Variants in NEDD9 observed in about 807,000 individuals in gnomAD.
The protein encoded by NEDD9 is neural precursor cell expressed, developmentally down-regulated 9, also known as enhancer of filamentation 1.
In NEDD9, 26 loss-of-function variants were observed where a neutral mutation model predicts 76.6. The observed-to-expected ratio is 0.34, with a 90% CI of 0.25 to 0.47. The LOEUF (loss-of-function observed/expected upper bound fraction) is 0.47. Ranked by LOEUF, NEDD9 falls within the 20% of genes least tolerant of loss-of-function variation. The pLI, the probability that NEDD9 is intolerant of heterozygous loss-of-function variation, is 1.00. For missense variants in NEDD9, 937 were observed against 1,058.5 expected, an observed-to-expected ratio of 0.89 and a Z score of 1.59; for synonymous variants, 392 against 414.2, an observed-to-expected ratio of 0.95 and a Z score of 0.65.
upstream of NEDD9, chr6:11,232,790 A>G (rs1050167488): frequency 1.1e-5 from 12 of 1,128,474 alleles, no homozygotes; most frequent in East Asian, 8.8e-5. Context: ...AAAAACTGAC[A>G]AAGAACTTGT....
intron 3 of NEDD9, among the ~76,000 whole-genome samples, chr6:11,244,279 G>A (rs1282393533): frequency 2.0e-5 from 3 of 150,952 alleles, no homozygotes; most frequent in Admixed American, 6.6e-5. Context: ...ACACACACGT[G>A]TGTGCACGCA....
chr6:11,366,384 CAGAG>C (rs538981875), intron 1 of NEDD9, among the ~76,000 whole-genome samples: 4 of 130,366 alleles, frequency 3.1e-5, no homozygotes, highest in South Asian at 2.5e-4. Flanking sequence ...GGGAGCAAGA[CAGAG>C]AGAGAGAGAA....
intron 3 of NEDD9, among the ~76,000 whole-genome samples, chr6:11,273,985 A>C (rs1760366497): frequency 6.6e-6 from 1 of 152,140 alleles, no homozygotes; most frequent in African/African-American, 2.4e-5. Context: ...CTTTCTAATG[A>C]AAGAATTCAG....
chr6:11,190,738 C>T lies in NEDD9; in HGVS notation c.1131G>A (p.Arg377=). Residue 377 remains arginine (R), a synonymous_variant, in exon 5 of 7, where the codon CGG becomes CGA. Transcript: ENST00000379446. The surrounding 1 kb of genome is among the most constrained non-coding windows in gnomAD (Gnocchi z 5.8). ...RLSFSSTGST[R]SNMSTSSTSS... ...AGGTGGAAGACGTGGACATGTTACT[C>T]CGGGTGCTGCCTGTACTGGAGAAAG... The T allele has an allele frequency of 6.2e-7, 1 of 1,614,156 alleles. No homozygotes were observed. The highest frequency in any genetic ancestry group is 8.5e-7 in the Non-Finnish European group (1 of 1,180,034).
upstream of NEDD9, chr6:11,233,179 TC>T (rs1276208323): frequency 1.9e-6 from 1 of 514,236 alleles, no homozygotes; most frequent in African/African-American, 1.9e-5. Flanking sequence ...TTCCCCCTCC[TC>T]CCGCCTACTT....
intron 1 of NEDD9, among the ~76,000 whole-genome samples, chr6:11,347,016 A>G (rs1234468063): frequency 2.6e-5 from 4 of 151,960 alleles, no homozygotes; most frequent in African/African-American, 7.3e-5. Context: ...AGAGGCCCCA[A>G]AGCACAACTC....
intron 1 of NEDD9, among the ~76,000 whole-genome samples, chr6:11,223,514 C>G (rs1459853582): frequency 2.0e-5 from 3 of 151,692 alleles, no homozygotes; most frequent in Non-Finnish European, 4.4e-5. Flanking sequence ...AACAAAAAAC[C>G]CAGAAATGAT....
At chr6:11,268,724 A>G (rs1056986061) in intron 3 of NEDD9, among the ~76,000 whole-genome samples, 3 of 139,940 alleles carry the variant, frequency 2.1e-5, no homozygotes, top group Non-Finnish European at 3.1e-5. Context: ...ACGAAGCTCC[A>G]TCACACACAC....
intron 2 of NEDD9, among the ~76,000 whole-genome samples, chr6:11,333,838 A>G (rs1211487051): frequency 6.6e-6 from 1 of 152,262 alleles, no homozygotes; most frequent in Non-Finnish European, 1.5e-5. Flanking sequence ...TGCCCTGAAC[A>G]GTGCTTATGT....
chr6:11,330,244 G>T (rs143146158), intron 2 of NEDD9, among the ~76,000 whole-genome samples: 1 of 152,198 alleles, frequency 6.6e-6, no homozygotes, highest in African/African-American at 2.4e-5. Context: ...TTATGACTGA[G>T]AATCCAAAGT....
intron 2 of NEDD9, among the ~76,000 whole-genome samples, chr6:11,322,854 C>T (rs1190084380): frequency 1.3e-5 from 2 of 152,160 alleles, no homozygotes; most frequent in South Asian, 2.1e-4. Flanking sequence ...CTTACATGCA[C>T]GAAGCCAGGG....
At chr6:11,247,947 A>G (rs1013134497) in intron 3 of NEDD9, among the ~76,000 whole-genome samples, 1 of 152,330 alleles carries the variant, frequency 6.6e-6, no homozygotes, top group East Asian at 1.9e-4. Context: ...ATTCCTTTGT[A>G]GGCTTTCCAC....
chr6:11,345,428 A>T (rs926619644), intron 1 of NEDD9, among the ~76,000 whole-genome samples: 8 of 152,096 alleles, frequency 5.3e-5, no homozygotes, highest in African/African-American at 1.9e-4. Context: ...GCAATAGAAG[A>T]GATGGAGCAT....
intron 2 of NEDD9, among the ~76,000 whole-genome samples, chr6:11,322,416 G>A (rs940045217): frequency 6.6e-6 from 1 of 152,152 alleles, no homozygotes; most frequent in South Asian, 2.1e-4. Flanking sequence ...TGAGCTGGGG[G>A]AACCCACACC....
At chr6:11,350,771 G>A (rs1259249727) in intron 1 of NEDD9, among the ~76,000 whole-genome samples, 1 of 152,124 alleles carries the variant, frequency 6.6e-6, no homozygotes, top group Admixed American at 6.5e-5. Context: ...ACCTCACAGT[G>A]GGGAGACAGG....
chr6:11,247,405 C>T (rs1333760066), intron 3 of NEDD9, among the ~76,000 whole-genome samples: 1 of 152,204 alleles, frequency 6.6e-6, no homozygotes, highest in Admixed American at 6.5e-5. Context: ...AGGCGATCCA[C>T]TATTTGACCC....
At chr6:11,194,248 G>C (rs900749558) in intron 2 of NEDD9, among the ~76,000 whole-genome samples, 1 of 152,084 alleles carries the variant, frequency 6.6e-6, no homozygotes, top group Non-Finnish European at 1.5e-5. Context: ...TCATCTCAAA[G>C]TTCATCAGAT....
intron 3 of NEDD9, among the ~76,000 whole-genome samples, chr6:11,283,052 C>A (rs182244075): frequency 5.3e-5 from 8 of 152,332 alleles, no homozygotes; most frequent in Non-Finnish European, 1.5e-5. Context: ...CAAACTTCTA[C>A]CTTATGACCT....
Position 11,314,849 on chromosome 6 carries a change from C to CCTCTTT in NEDD9, c.-152-8695_-152-8694insAAAGAG, listed in dbSNP as rs60795646. Reference sequence around the variant, plus strand: ...CCTGAGTCTCAGTTTCCTCAGGCATCAAATAAAGAGATCAGACAAAAATGC... The same window carrying CCTCTTT: ...CCTGAGTCTCAGTTTCCTCAGGCATCCTCTTTAAATAAAGAGATCAGACAAAAATGC... On this transcript the variant is annotated intron_variant, in intron 2 of 3. Coordinates refer to the NEDD9 transcript ENST00000397378. Among the ~76,000 whole-genome samples the CCTCTTT allele has an allele frequency of 9.1e-3, 1,385 of 152,244 alleles. 15 individuals carry two copies. Among genetic ancestry groups the CCTCTTT allele is most frequent in the African/African-American group, 0.032 (1,311 of 41,546 alleles).
Sources: gnomAD v4.1 joint callset for allele counts (sites outside exome capture counted in the v4.1 genomes callset) on GRCh38, gnomAD v4.1.1 for gene constraint, Gnocchi (gnomAD v3.1) non-coding constraint, MANE v1.5 for transcripts, NCBI Gene and HGNC (gene_info 2026-07-23, HGNC 2026-07-21) for gene names.